The following TSHZ1 variants were observed in gnomAD, a reference collection of about 807,000 sequenced individuals.
TSHZ1 encodes the protein teashirt zinc finger homeobox 1.
In TSHZ1, 12 loss-of-function variants were observed where a neutral mutation model predicts 67.1. That is an observed-to-expected ratio of 0.18 (90% CI 0.11 to 0.29). The LOEUF is 0.29. Among genes scored for constraint, TSHZ1 ranks in the 10% least tolerant of loss-of-function variants. The probability of loss-of-function intolerance (pLI) is 1.00; values close to 1 mark genes in which losing one functional copy is unlikely to be tolerated. For missense variants in TSHZ1, 1,305 were observed against 1,413.9 expected (o/e 0.92, Z 1.23); for synonymous variants, 632 against 622.4 (o/e 1.02, Z -0.23).
At chr18:75,225,950 A>T (rs143382077) in intron 1 of TSHZ1, among the ~76,000 whole-genome samples, 4 of 152,194 alleles carry the variant, frequency 2.6e-5, no homozygotes, top group African/African-American at 9.6e-5. Flanking sequence ...TGTTTGGTAA[A>T]ATGTGAAGCT....
intron 1 of TSHZ1, among the ~76,000 whole-genome samples, chr18:75,254,566 C>T (rs1235038668): frequency 6.6e-6 from 1 of 152,124 alleles, no homozygotes; most frequent in African/African-American, 2.4e-5. Context: ...TCACGAGTAT[C>T]TTCTAGGCTA....
chr18:75,268,326 G>A (rs1472328367), intron 1 of TSHZ1, among the ~76,000 whole-genome samples: 3 of 152,178 alleles, frequency 2.0e-5, no homozygotes, highest in Non-Finnish European at 1.5e-5. Flanking sequence ...TACATGATAG[G>A]AGAGAGGAAA....
chr18:75,285,384 TG>T, intron 1 of TSHZ1, 63 bp from the exon 2 acceptor site: 2 of 1,414,388 alleles, frequency 1.4e-6, no homozygotes, highest in Non-Finnish European at 1.8e-6. Flanking sequence ...ATCTAACTGC[TG>T]GGGAGGCTGT....
intron 1 of TSHZ1, chr18:75,221,080 A>G (rs185866366): frequency 6.6e-6 from 1 of 152,268 alleles, no homozygotes; most frequent in East Asian, 1.9e-4. Context: ...CCATCTACAT[A>G]CTGAATCGGA....
intron 1 of TSHZ1, among the ~76,000 whole-genome samples, chr18:75,274,052 C>A (rs1004735592): frequency 6.6e-6 from 1 of 152,142 alleles, no homozygotes; most frequent in East Asian, 1.9e-4. Context: ...CTGGTTCATA[C>A]GGTTCCTTGC....
At position 75,287,380 on chromosome 18, in the gene TSHZ1, C is replaced by T. The variant is rs769798292; in HGVS notation, c.1973C>T (p.Pro658Leu). Residue 658 changes from proline (P) to leucine (L), a missense_variant, in exon 2 of 2, where the codon CCC (proline) becomes CTC (leucine). Physicochemically the swap from Pro to Leu is moderately conservative, Grantham distance 98 (BLOSUM62 -3). Coordinates refer to ENST00000580243, the MANE Select transcript of TSHZ1 (RefSeq NM_001308210.2). The surrounding 1 kb of genome is among the most constrained non-coding windows in gnomAD (Gnocchi z 5.0). ...GKVNIKKEERPPEKEKSSLAK... is the reference protein window; with the variant it reads ...GKVNIKKEERLPEKEKSSLAK... ...GTCAACATCAAGAAGGAGGAGAGAC[C>T]CCCTGAGAAGGAGAAGAGCTCCCTG... 46 of 1,614,014 alleles carry T rather than the reference C, an allele frequency of 2.9e-5. No individual in the cohort carries two copies. The African/African-American group carries it at 4.7e-4, about 16-fold the overall frequency.
chr18:75,212,088 C>T (rs115542593), intron 1 of TSHZ1, among the ~76,000 whole-genome samples, 172 bp downstream of exon 1: 1,851 of 152,196 alleles, frequency 0.012, 43 homozygotes, highest in African/African-American at 0.043. Flanking sequence ...CGTCCTCCCC[C>T]ACACCCCCAA....
rs144905081 is a variant in TSHZ1 at position 75,285,782 on chromosome 18, C to T, written c.375C>T (p.Ser125=). 8.9e-4 allele frequency: 1,429 copies of T among 1,614,120 alleles called. No homozygotes were observed. Among genetic ancestry groups the T allele is most frequent in the Non-Finnish European group, 1.1e-3 (1,341 of 1,180,016 alleles). ...AAGCTGTGTATGCAAACTTGTTCTC[C>T]GAGTCCTGCTGGTCCAGCTTAGCTC... The part of the protein sequence containing the change: ...QIKAVYANLF[S]ESCWSSLALD... The change falls in exon 2 of 2, where the codon TCC becomes TCT. Residue 125 remains serine, a synonymous_variant. Transcript: ENST00000580243.
chr18:75,249,185 G>A (rs1017970098), intron 1 of TSHZ1, among the ~76,000 whole-genome samples: 3 of 152,278 alleles, frequency 2.0e-5, no homozygotes, highest in South Asian at 2.1e-4. Flanking sequence ...CCTGCTACCC[G>A]GGCAGGCTGC....
intron 1 of TSHZ1, among the ~76,000 whole-genome samples, chr18:75,256,959 T>G (rs925382783): frequency 6.6e-5 from 10 of 151,456 alleles, no homozygotes; most frequent in Admixed American, 4.6e-4. Context: ...GATACACTTA[T>G]GGGGAAATGC....
chr18:75,259,967 G>A (rs1225883208), intron 1 of TSHZ1, among the ~76,000 whole-genome samples: 2 of 152,214 alleles, frequency 1.3e-5, no homozygotes, highest in Admixed American at 1.3e-4. Context: ...TCCACTTCTT[G>A]AGTGTGTGTG....
At chr18:75,229,994 G>A (rs1046134537) in intron 1 of TSHZ1, among the ~76,000 whole-genome samples, 6 of 152,194 alleles carry the variant, frequency 3.9e-5, no homozygotes, top group African/African-American at 1.4e-4. Context: ...GGGTATTTTA[G>A]AGGACAAATA....
At chr18:75,231,594 G>T (rs1274702181) in intron 1 of TSHZ1, among the ~76,000 whole-genome samples, 1 of 152,166 alleles carries the variant, frequency 6.6e-6, no homozygotes. Context: ...GAGTGCAGTG[G>T]TATGATCTTG....
intron 1 of TSHZ1, among the ~76,000 whole-genome samples, chr18:75,246,753 C>G (rs753903923): frequency 3.3e-5 from 5 of 152,102 alleles, no homozygotes; most frequent in Non-Finnish European, 5.9e-5. Flanking sequence ...TGATTTGCTG[C>G]TGCTACAGCA....
At chr18:75,248,839 G>A (rs1416164825) in intron 1 of TSHZ1, among the ~76,000 whole-genome samples, 6 of 152,212 alleles carry the variant, frequency 3.9e-5, no homozygotes, top group African/African-American at 1.4e-4. Context: ...TGCACGCTCT[G>A]CTAAGTCTTG....
chr18:75,230,945 A>G (rs2022990641), intron 1 of TSHZ1, among the ~76,000 whole-genome samples: 1 of 152,220 alleles, frequency 6.6e-6, no homozygotes, highest in South Asian at 2.1e-4. Flanking sequence ...CACTTGATTT[A>G]TAATATTTAA....
rs556102333 is a variant in TSHZ1, at chr18:75,273,957, G to A, written c.41-11491G>A. On this transcript the variant is annotated intron_variant, in intron 1 of 1. Transcript: ENST00000580243. ...CACACTCACACCTGTGTGCGCACAC[G>A]CGTGCACTCTCGCACACCCACACCC... Among the ~76,000 whole-genome samples, 143 of 152,220 alleles carry A rather than the reference G, an allele frequency of 9.4e-4. 1 individual carries two copies. Among genetic ancestry groups the A allele is most frequent in the Non-Finnish European group, 1.6e-3 (108 of 68,030 alleles).
At chr18:75,223,664 T>C (rs2022879528) in intron 1 of TSHZ1, among the ~76,000 whole-genome samples, 1 of 151,252 alleles carries the variant, frequency 6.6e-6, no homozygotes, top group Non-Finnish European at 1.5e-5. Context: ...CTACCCCGCC[T>C]CTCTTGCTAG....
At chr18:75,234,153 C>T (rs2023035859) in intron 1 of TSHZ1, among the ~76,000 whole-genome samples, 1 of 152,178 alleles carries the variant, frequency 6.6e-6, no homozygotes, top group South Asian at 2.1e-4. Context: ...ACGGCAACAG[C>T]CACACGGCCA....
Sources: gnomAD v4.1 joint callset for allele counts (sites outside exome capture counted in the v4.1 genomes callset) on GRCh38, gnomAD v4.1.1 for gene constraint, Gnocchi (gnomAD v3.1) non-coding constraint, MANE v1.5 for transcripts, NCBI Gene and HGNC (gene_info 2026-07-23, HGNC 2026-07-21) for gene names.